Variants in RELN observed in about 807,000 individuals in gnomAD.
RELN encodes reelin.
A neutral mutation model predicts 427.6 loss-of-function variants in RELN; 108 were observed. That is an observed-to-expected ratio of 0.25 (90% confidence interval 0.22 to 0.30). The LOEUF is 0.30. RELN is among the 10% of genes least tolerant of loss of function. The pLI is 1.00. For synonymous variants in RELN, 1,524 were observed against 1,513.4 expected (o/e 1.01, Z -0.16); for missense variants, 3,715 against 4,302.8 (o/e 0.86, Z 3.82).
intron 1 of RELN, among the ~76,000 whole-genome samples, chr7:103,980,193 T>G (rs955166861): frequency 2.0e-5 from 3 of 151,674 alleles, no homozygotes; most frequent in African/African-American, 7.3e-5. Flanking sequence ...ATAAAAATTA[T>G]ATTATCAAAA....
intron 24 of RELN, among the ~76,000 whole-genome samples, chr7:103,599,779 G>T (rs138830116): frequency 6.6e-6 from 1 of 152,260 alleles, no homozygotes; most frequent in African/African-American, 2.4e-5. Context: ...TTTGTGGCTG[G>T]AGCAAAGGGC....
At chr7:103,889,662 G>C (rs1794802545) in intron 2 of RELN, among the ~76,000 whole-genome samples, 1 of 152,120 alleles carries the variant, frequency 6.6e-6, no homozygotes. Context: ...AGAAAGGGGG[G>C]CAGGGCAGGC....
intron 1 of RELN, among the ~76,000 whole-genome samples, chr7:103,959,202 C>T (rs1041262336): frequency 1.3e-5 from 2 of 152,174 alleles, no homozygotes; most frequent in Non-Finnish European, 1.5e-5. Flanking sequence ...CTCAGCCTCC[C>T]AAAGTGCTGA....
At chr7:103,682,049 T>C (rs535478635) in intron 11 of RELN, 67 bp downstream of exon 11, 1 of 1,491,050 alleles carries the variant, frequency 6.7e-7, no homozygotes, top group Admixed American at 1.7e-5. Context: ...CAATATGCAT[T>C]TAAAACACGT....
chr7:103,763,575 G>A (rs981643633), intron 4 of RELN, among the ~76,000 whole-genome samples: 12 of 152,144 alleles, frequency 7.9e-5, no homozygotes, highest in Non-Finnish European at 1.5e-4. Flanking sequence ...AAGGATGAGC[G>A]CAACTTCATC....
intron 48 of RELN, among the ~76,000 whole-genome samples, chr7:103,521,114 C>T (rs1311686310): frequency 6.7e-6 from 1 of 150,214 alleles, no homozygotes; most frequent in African/African-American, 2.4e-5. Context: ...GTAGCTGGGA[C>T]TACAGGCGCC....
At chr7:103,866,127 A>G (rs1794191502) in intron 2 of RELN, among the ~76,000 whole-genome samples, 1 of 152,170 alleles carries the variant, frequency 6.6e-6, no homozygotes, top group African/African-American at 2.4e-5. Flanking sequence ...TAACAAAAGC[A>G]AGAATTATTA....
intron 51 of RELN, among the ~76,000 whole-genome samples, chr7:103,505,125 GTGC>G (rs1829165002): frequency 6.6e-6 from 1 of 152,232 alleles, no homozygotes; most frequent in African/African-American, 2.4e-5. Flanking sequence ...GGGGGAAGGG[GTGC>G]TGTGGGCACA....
chr7:103,685,056 C>A (rs939628201), intron 10 of RELN, among the ~76,000 whole-genome samples: 1 of 152,060 alleles, frequency 6.6e-6, no homozygotes, highest in Non-Finnish European at 1.5e-5. Context: ...ACTTTAAAAG[C>A]CCTCCTCCAA....
intron 4 of RELN, among the ~76,000 whole-genome samples, chr7:103,773,379 C>T (rs1791648519): frequency 8.1e-6 from 1 of 124,072 alleles, no homozygotes; most frequent in East Asian, 2.7e-4. Flanking sequence ...CCCTCCCTCC[C>T]TCCCTCCCTC....
At chr7:103,931,516 T>C (rs1795865178) in intron 1 of RELN, among the ~76,000 whole-genome samples, 1 of 152,102 alleles carries the variant, frequency 6.6e-6, no homozygotes, top group Admixed American at 6.5e-5. Context: ...GATCCCTCAT[T>C]GCATCCCCAA....
chr7:103,515,341 T>C lies in RELN; in HGVS notation c.7963A>G (p.Ile2655Val), dbSNP rs1829536442. ...GAGCCTGAGATGAGGACATTGTCAA[T>C]GGCCCAGTCGTTCTGATCCAGGCCG... ...HDGLDQNDWA[I>V]DNVLISGSAD... Residue 2655 changes from isoleucine to valine, a missense_variant, in exon 50 of 65, where the codon ATT becomes GTT. Around this residue, in one of 4 missense-constraint regions of RELN, gnomAD observed 1,310 missense variants for 1,643.0 expected, o/e 0.80. Transcript: ENST00000428762. The C allele has an allele frequency of 1.2e-6, 2 of 1,613,980 alleles. No homozygotes were observed. The highest frequency in any genetic ancestry group is 2.7e-5 in the African/African-American group (2 of 74,918).
At chr7:103,926,518 C>G (rs879544828) in intron 1 of RELN, among the ~76,000 whole-genome samples, 1 of 151,098 alleles carries the variant, frequency 6.6e-6, no homozygotes, top group Non-Finnish European at 1.5e-5. Context: ...AATACTCGTG[C>G]GTATGTCATA....
At position 103,953,063 on chromosome 7, in the gene RELN, C is replaced by T. The variant is rs1233830117; in HGVS notation, c.227-35878G>A. On this transcript the variant is annotated intron_variant, in intron 1 of 64. Transcript: ENST00000428762. This position sits in a 1 kb window ranked among gnomAD's most constrained non-coding sequence, Gnocchi z 4.3. ...CCTTATGATGGTGACTAGCCACCAA[C>T]GTCTGGTTTCTACCGTTCTCTTCCT... 3.9e-5 allele frequency among the ~76,000 whole-genome samples: 6 copies of T among 152,242 alleles called. No individual in the cohort carries two copies. Among genetic ancestry groups the T allele is most frequent in the East Asian group, 3.9e-4 (2 of 5,178 alleles).
chr7:103,581,930 C>T (rs1027012737), intron 28 of RELN, among the ~76,000 whole-genome samples: 1 of 151,874 alleles, frequency 6.6e-6, no homozygotes, highest in Non-Finnish European at 1.5e-5. Flanking sequence ...GCCCAGCCAA[C>T]CCCACAAAAC....
chr7:103,965,934 G>C (rs1403362817), intron 1 of RELN, among the ~76,000 whole-genome samples: 1 of 151,894 alleles, frequency 6.6e-6, no homozygotes, highest in Non-Finnish European at 1.5e-5. Flanking sequence ...CTATATATAT[G>C]TTTACCACGT....
chr7:103,949,757 G>A (rs533194412), intron 1 of RELN, among the ~76,000 whole-genome samples: 25 of 152,186 alleles, frequency 1.6e-4, no homozygotes, highest in African/African-American at 2.2e-4. Context: ...AAAATTAACC[G>A]GTATGGTTTC....
rs576166161 is a variant in RELN at position 103,577,935 on chromosome 7, C to T, written c.4146-2230G>A. Among the ~76,000 whole-genome samples, 8 of 152,346 alleles carry T rather than the reference C, an allele frequency of 5.3e-5. No individual in the cohort carries two copies. In the East Asian group the frequency reaches 1.5e-3, roughly 29 times the overall value. On this transcript the variant is annotated intron_variant, in intron 28 of 64. Coordinates refer to ENST00000428762, the MANE Select transcript of RELN (RefSeq NM_005045.4). Reference sequence around the variant, plus strand: ...GAGAAAGGAAAACTTCTTTCCCCAGCTTCAGGCTCTCTCACCTGGGCAAGA... The same window carrying T: ...GAGAAAGGAAAACTTCTTTCCCCAGTTTCAGGCTCTCTCACCTGGGCAAGA...
intron 1 of RELN, among the ~76,000 whole-genome samples, chr7:103,987,698 A>G (rs1387695617): frequency 1.3e-5 from 2 of 152,176 alleles, no homozygotes; most frequent in East Asian, 3.8e-4. Flanking sequence ...TGCTCCTTCC[A>G]CTTAAAGATT....
Sources: allele counts gnomAD v4.1 joint callset (sites outside exome capture counted in the v4.1 genomes callset), GRCh38; gene constraint gnomAD v4.1.1; regional missense constraint gnomAD v4.1.1; non-coding constraint Gnocchi (gnomAD v3.1); transcripts MANE v1.5; gene names NCBI Gene and HGNC (gene_info 2026-07-23, HGNC 2026-07-21).